The following ZNF483 variants were observed in gnomAD, a reference collection of about 807,000 sequenced individuals.
ZNF483 encodes the protein zinc finger protein 483.
A neutral mutation model predicts 28.6 loss-of-function variants in ZNF483; 9 were observed. The observed-to-expected ratio is 0.32, with a 90% CI of 0.19 to 0.55. The LOEUF (loss-of-function observed/expected upper bound fraction) is 0.55. ZNF483 is among the 20% of genes least tolerant of loss of function. The pLI, the probability that ZNF483 is intolerant of heterozygous loss-of-function variation, is 0.93. For missense variants in ZNF483, 675 were observed against 871.7 expected (o/e 0.77, Z 2.84); for synonymous variants, 322 against 306.2 (o/e 1.05, Z -0.54).
rs1250377566 is a variant in ZNF483 at position 111,547,826 on chromosome 9, C to A, written c.*4656C>A. 6.6e-6 allele frequency among the ~76,000 whole-genome samples: 1 copy of A among 152,096 alleles called. No homozygotes were observed. Among genetic ancestry groups the A allele is most frequent in the Non-Finnish European group, 1.5e-5 (1 of 67,974 alleles). On this transcript the variant is annotated 3_prime_UTR_variant, in exon 6 of 6. Transcript: ENST00000309235. ...TTTTTATGTATGGTAAAGGGTCCATCTTCATTCTTTTGCATGCGAATATCC... is the reference window on the plus strand; with the variant it reads ...TTTTTATGTATGGTAAAGGGTCCATATTCATTCTTTTGCATGCGAATATCC...
intron 4 of ZNF483, 136 bp from the exon 5 acceptor site, chr9:111,534,125 A>C: frequency 2.4e-6 from 2 of 830,202 alleles, no homozygotes; most frequent in Admixed American, 2.4e-5. Flanking sequence ...TTTTTGTCTC[A>C]AGTTCCAGTA....
chr9:111,533,643 C>CG, intron 3 of ZNF483, 96 bp from the exon 4 acceptor site: 1 of 1,286,176 alleles, frequency 7.8e-7, no homozygotes, highest in East Asian at 2.8e-5. Context: ...CACTCTAACA[C>CG]GGGCGACAGA....
rs1425296959 is a variant in ZNF483, at chr9:111,543,493, T to C, written c.*323T>C. 1 of 1,040,052 alleles carries C rather than the reference T, an allele frequency of 9.6e-7. No individual in the cohort carries two copies. The highest frequency in any genetic ancestry group is 1.2e-6 in the Non-Finnish European group (1 of 865,918). The allele number at this position is 1,040,052 out of a possible 1,614,324, so 64.4% of individuals were successfully genotyped here. A position where few individuals can be genotyped will look rare whatever the true frequency, so the allele number is the denominator to read the frequency against. ...TGTGATGGAGAGAACTTGACTGCAG[T>C]CACATAACTTGGATTCTGTCCCAGT... is the stretch of plus-strand genomic sequence containing the variant. On this transcript the variant is annotated 3_prime_UTR_variant, in exon 6 of 6. Coordinates refer to ENST00000309235, the MANE Select transcript of ZNF483 (RefSeq NM_133464.5).
At chr9:111,558,019 C>T (rs576348730), downstream of ZNF483, among the ~76,000 whole-genome samples, 12 of 151,970 alleles carry the variant, frequency 7.9e-5, no homozygotes, top group East Asian at 1.9e-4. Flanking sequence ...TGGTGGTGCG[C>T]GCCTGTAGTC....
rs999645908 is a variant in ZNF483, at chr9:111,552,001, T to C, written c.*8831T>C. Among the ~76,000 whole-genome samples the C allele has an allele frequency of 7.9e-5, 12 of 152,260 alleles. No homozygotes were observed. Among genetic ancestry groups the C allele is most frequent in the Non-Finnish European group, 1.8e-4 (12 of 68,040 alleles). On this transcript the variant is annotated 3_prime_UTR_variant, in exon 6 of 6. Transcript: ENST00000309235. ...GAGTTATTCTGTTTTATTTGTATTA[T>C]GAAATGTTTCTATTGTAAATAAATT...
At chr9:111,570,807 G>C (rs1289266590) in intron 5 of ZNF483, among the ~76,000 whole-genome samples, 1 of 151,934 alleles carries the variant, frequency 6.6e-6, no homozygotes, top group African/African-American at 2.4e-5. Context: ...AAAGAACCTT[G>C]AGATGGGAAT....
chr9:111,541,314 C>T (rs1328249205), intron 5 of ZNF483, among the ~76,000 whole-genome samples: 1 of 152,074 alleles, frequency 6.6e-6, no homozygotes, highest in African/African-American at 2.4e-5. Context: ...TGGTCTTGAT[C>T]TCCTGACCTC....
At chr9:111,533,329 C>G (rs571482736) in intron 3 of ZNF483, among the ~76,000 whole-genome samples, 1 of 152,296 alleles carries the variant, frequency 6.6e-6, no homozygotes, top group Non-Finnish European at 1.5e-5. Flanking sequence ...GAATGATTAG[C>G]CGCTCCGTAG....
intron 1 of ZNF483, 115 bp downstream of exon 1, chr9:111,525,377 G>C (rs1827160408): frequency 6.6e-6 from 1 of 152,292 alleles, no homozygotes; most frequent in African/African-American, 2.4e-5. Flanking sequence ...TGTGCGCTGC[G>C]CTGCTGCTGC....
chr9:111,559,628 T>G (rs1207911393), downstream of ZNF483, among the ~76,000 whole-genome samples: 1 of 147,802 alleles, frequency 6.8e-6, no homozygotes, highest in African/African-American at 2.6e-5. Context: ...CATACATATA[T>G]AACACACACA....
exon 6 of ZNF483, chr9:111,576,574 A>G (rs185580510): frequency 1.4e-5 from 11 of 764,860 alleles, no homozygotes; most frequent in Non-Finnish European, 2.2e-5. Flanking sequence ...TAGGCAAGTT[A>G]CTTAACACTT....
In ZNF483 at chr9:111,576,533, A is replaced by G. The variant is rs569006170; in HGVS notation, c.*119A>G. On this transcript the variant is annotated 3_prime_UTR_variant, in exon 6 of 6. Transcript: ENST00000358151. ...AGAGCTGGATGGAGTATGAATCCCA[A>G]CTCTGGGGGTATTAGCTAGTGGAGT... is the stretch of plus-strand genomic sequence containing the variant. The G allele has an allele frequency of 1.2e-4, 156 of 1,351,204 alleles. 2 individuals carry two copies. In the South Asian group the frequency reaches 1.6e-3, roughly 14 times the overall value. 83.7% of individuals were successfully genotyped at this position (1,351,204 alleles called of 1,614,324 possible). A position where few individuals can be genotyped will look rare whatever the true frequency, so the allele number is the denominator to read the frequency against.
chr9:111,528,169 A>G (rs903361298), intron 2 of ZNF483: 2 of 749,764 alleles, frequency 2.7e-6, no homozygotes, highest in Admixed American at 3.1e-5. Flanking sequence ...CAACCAGCTC[A>G]GGCCCTAATG....
rs895472022 is a variant in ZNF483 at position 111,554,059 on chromosome 9, C to T, written c.*10889C>T. ...AGCTGAGAACCACAGGTTTCAAACTCGGTGCCAAGGTTTCCCATTCCACTC... is the reference window on the plus strand; with the variant it reads ...AGCTGAGAACCACAGGTTTCAAACTTGGTGCCAAGGTTTCCCATTCCACTC... On this transcript the variant is annotated 3_prime_UTR_variant, in exon 6 of 6. Transcript: ENST00000309235. Among the ~76,000 whole-genome samples, 5 of 152,186 alleles carry T rather than the reference C, an allele frequency of 3.3e-5. No homozygotes were observed. The highest frequency in any genetic ancestry group is 1.2e-4 in the African/African-American group (5 of 41,454).
chr9:111,531,558 G>T (rs1373742479), intron 3 of ZNF483, among the ~76,000 whole-genome samples: 1 of 151,956 alleles, frequency 6.6e-6, no homozygotes, highest in African/African-American at 2.4e-5. Flanking sequence ...TGTATTTTTA[G>T]TAGAGACGGG....
At chr9:111,540,058 G>T (rs1827635546) in intron 5 of ZNF483, among the ~76,000 whole-genome samples, 1 of 152,064 alleles carries the variant, frequency 6.6e-6, no homozygotes, top group African/African-American at 2.4e-5. Flanking sequence ...CTTGAGCTGG[G>T]GAGGTTGAGG....
At chr9:111,540,890 T>C (rs1381978542) in intron 5 of ZNF483, among the ~76,000 whole-genome samples, 3 of 152,178 alleles carry the variant, frequency 2.0e-5, no homozygotes, top group Non-Finnish European at 4.4e-5. Flanking sequence ...GTGTTCCCAG[T>C]TGTCACATCC....
At chr9:111,561,599 T>G (rs935920084) in intron 5 of ZNF483, among the ~76,000 whole-genome samples, 1 of 152,174 alleles carries the variant, frequency 6.6e-6, no homozygotes, top group Non-Finnish European at 1.5e-5. Context: ...ATATAAATCT[T>G]GCACATTTTT....
At position 111,541,773 on chromosome 9, in the gene ZNF483, A is replaced by T; in HGVS notation, c.838A>T (p.Asn280Tyr). ...AGAGGAGGATCACGGTAATCAGGGA[A>T]ATTCAAAAGGAAGAGTCGCACAAAA... The part of the protein sequence containing the change: ...SSEEDHGNQG[N>Y]SKGRVAQNKT... The change falls in exon 6 of 6, where the codon AAT (asparagine) becomes TAT (tyrosine). Residue 280 changes from asparagine to tyrosine, a missense_variant. Transcript: ENST00000309235. The T allele has an allele frequency of 6.2e-7, 1 of 1,614,230 alleles. No homozygotes were observed. The highest frequency in any genetic ancestry group is 1.1e-5 in the South Asian group (1 of 91,088).
Sources: gnomAD v4.1 joint callset for allele counts (sites outside exome capture counted in the v4.1 genomes callset) on GRCh38, gnomAD v4.1.1 for gene constraint, MANE v1.5 for transcripts, NCBI Gene and HGNC (gene_info 2026-07-23, HGNC 2026-07-21) for gene names.